Variants in UNC13C observed in about 807,000 individuals in gnomAD.
The protein encoded by UNC13C is protein unc-13 homolog C.
A neutral mutation model predicts 245.4 loss-of-function variants in UNC13C; 174 were observed. The ratio of observed to expected loss-of-function variants is 0.71; its 90% CI spans 0.63 to 0.80. UNC13C has a LOEUF of 0.80. Among genes scored for constraint, UNC13C ranks in the 30% least tolerant of loss-of-function variants. The probability of loss-of-function intolerance (pLI) is 0.00; values close to 1 mark genes in which losing one functional copy is unlikely to be tolerated. For missense variants in UNC13C, 2,829 were observed against 2,602.9 expected, an observed-to-expected ratio of 1.09 and a Z score of -1.89; for synonymous variants, 992 against 895.1, an observed-to-expected ratio of 1.11 and a Z score of -1.93.
chr15:54,255,338 G>T (rs1452658442), intron 8 of UNC13C, among the ~76,000 whole-genome samples: 1 of 152,120 alleles, frequency 6.6e-6, no homozygotes, highest in Non-Finnish European at 1.5e-5. Context: ...TTCAGCAGAT[G>T]GGGGAGCCAG....
At chr15:54,133,579 C>A (rs900167925) in intron 2 of UNC13C, among the ~76,000 whole-genome samples, 4 of 152,054 alleles carry the variant, frequency 2.6e-5, no homozygotes, top group Non-Finnish European at 5.9e-5. Flanking sequence ...TGCTGAGCTG[C>A]AAAATGAACC....
At chr15:53,847,522 ATT>A in the UNC13C span, among the ~76,000 whole-genome samples, 4 of 139,210 alleles carry the variant, frequency 2.9e-5, no homozygotes, top group Admixed American at 7.2e-5. Flanking sequence ...ATGCCTGGCT[ATT>A]TTTTTTTTTT....
At chr15:53,866,675 A>G in the UNC13C span, among the ~76,000 whole-genome samples, 1 of 152,232 alleles carries the variant, frequency 6.6e-6, no homozygotes, top group Non-Finnish European at 1.5e-5. Context: ...TTCGAGGCAC[A>G]GAAAATTCAA....
At chr15:54,190,364 C>T (rs1478946802) in intron 4 of UNC13C, among the ~76,000 whole-genome samples, 2 of 152,056 alleles carry the variant, frequency 1.3e-5, no homozygotes, top group Non-Finnish European at 2.9e-5. Flanking sequence ...AAGCAAATCT[C>T]CCTCTTTCCT....
chr15:54,031,677 T>G (rs1344927731), intron 2 of UNC13C, among the ~76,000 whole-genome samples: 1 of 152,216 alleles, frequency 6.6e-6, no homozygotes, highest in Non-Finnish European at 1.5e-5. Context: ...TGTGCATGTG[T>G]GTGCATGCAT....
At chr15:54,032,900 C>T (rs969367354) in intron 2 of UNC13C, among the ~76,000 whole-genome samples, 3 of 152,150 alleles carry the variant, frequency 2.0e-5, no homozygotes, top group African/African-American at 7.2e-5. Flanking sequence ...AACCAAACAT[C>T]ATATGTTCTC....
At chr15:54,375,821 G>C (rs917405910) in intron 17 of UNC13C, among the ~76,000 whole-genome samples, 1 of 152,192 alleles carries the variant, frequency 6.6e-6, no homozygotes, top group East Asian at 1.9e-4. Flanking sequence ...CTGAAACATA[G>C]AGCAGAAGAC....
the UNC13C span, among the ~76,000 whole-genome samples, chr15:53,878,064 C>A: frequency 1.3e-5 from 2 of 152,086 alleles, no homozygotes; most frequent in South Asian, 2.1e-4. Flanking sequence ...TATGAATATA[C>A]CACATTTGTT....
chr15:54,294,095 A>C, intron 11 of UNC13C, 31 bp downstream of exon 11: 2 of 1,477,302 alleles, frequency 1.4e-6, no homozygotes, highest in Non-Finnish European at 1.8e-6. Context: ...CTTGAAAACG[A>C]GTTAAATAAA....
chr15:54,133,673 T>C (rs529098127), intron 2 of UNC13C, among the ~76,000 whole-genome samples: 40 of 152,202 alleles, frequency 2.6e-4, no homozygotes, highest in African/African-American at 8.7e-4. Context: ...ATTACAGACA[T>C]TTTACCACAA....
chr15:54,237,470 T>G, intron 6 of UNC13C, 149 bp from the exon 7 acceptor site: 1 of 715,810 alleles, frequency 1.4e-6, no homozygotes, highest in East Asian at 2.7e-5. Context: ...ATATTCTGGG[T>G]GAATCGGCTG....
At chr15:54,062,490 A>G (rs1249025690) in intron 2 of UNC13C, among the ~76,000 whole-genome samples, 1 of 151,922 alleles carries the variant, frequency 6.6e-6, no homozygotes, top group African/African-American at 2.4e-5. Flanking sequence ...TTTTCACAAA[A>G]CTCAACTTTC....
chr15:54,070,233 G>C (rs1010252435), intron 2 of UNC13C, among the ~76,000 whole-genome samples: 1 of 152,176 alleles, frequency 6.6e-6, no homozygotes, highest in African/African-American at 2.4e-5. Context: ...TTAAGCCCTT[G>C]CTGTGTTTGA....
chr15:54,454,437 G>T lies in UNC13C; in HGVS notation c.4933+39370G>T, dbSNP rs548811233. Among the ~76,000 whole-genome samples, 171 of 152,022 alleles carry T rather than the reference G, an allele frequency of 1.1e-3. 1 individual carries two copies. Among genetic ancestry groups the T allele is most frequent in the African/African-American group, 3.9e-3 (163 of 41,488 alleles). Reference sequence around the variant, plus strand: ...ACTAAAAATACAAAAAGTTAGCCGGGCGTGTTGGCGGGCACCTGTAATCCC... The same window carrying T: ...ACTAAAAATACAAAAAGTTAGCCGGTCGTGTTGGCGGGCACCTGTAATCCC... On this transcript the variant is annotated intron_variant, in intron 19 of 32. Coordinates refer to ENST00000260323, the MANE Select transcript of UNC13C (RefSeq NM_001080534.3).
At chr15:54,356,054 A>T (rs1308335145) in intron 17 of UNC13C, among the ~76,000 whole-genome samples, 1 of 152,198 alleles carries the variant, frequency 6.6e-6, no homozygotes, top group Non-Finnish European at 1.5e-5. Flanking sequence ...TCTCCAATGC[A>T]CTAAAATATT....
intron 2 of UNC13C, chr15:54,050,399 T>G: frequency 1.8e-6 from 1 of 557,394 alleles, no homozygotes; most frequent in South Asian, 1.4e-5. Flanking sequence ...TAAGTATATT[T>G]TCTGGGAATA....
intron 10 of UNC13C, among the ~76,000 whole-genome samples, chr15:54,272,694 T>C (rs972065449): frequency 6.6e-6 from 1 of 152,308 alleles, no homozygotes; most frequent in Middle Eastern, 3.4e-3. Flanking sequence ...AATAACCAAT[T>C]CTACTGTTCG....
chr15:54,554,010 G>A (rs989397811), intron 28 of UNC13C, among the ~76,000 whole-genome samples: 6 of 151,766 alleles, frequency 4.0e-5, no homozygotes, highest in South Asian at 2.1e-4. Flanking sequence ...TGAAATCCCC[G>A]TATCAGAGAA....
chr15:54,416,396 T>A (rs931190794), intron 19 of UNC13C, among the ~76,000 whole-genome samples: 1 of 152,158 alleles, frequency 6.6e-6, no homozygotes, highest in Admixed American at 6.5e-5. Flanking sequence ...AGTTTTGTGA[T>A]AAAGTCAGGC....
Sources: allele counts gnomAD v4.1 joint callset (sites outside exome capture counted in the v4.1 genomes callset), GRCh38; gene constraint gnomAD v4.1.1; transcripts MANE v1.5; gene names NCBI Gene and HGNC (gene_info 2026-07-23, HGNC 2026-07-21).